The following NBAS variants were observed in gnomAD, a reference collection of about 807,000 sequenced individuals.
NBAS encodes the protein NBAS subunit of NRZ tethering complex.
A neutral mutation model predicts 302.5 loss-of-function variants in NBAS; 219 were observed. The observed-to-expected ratio is 0.72, with a 90% CI of 0.65 to 0.81. The LOEUF (loss-of-function observed/expected upper bound fraction) is 0.81. NBAS is among the 30% of genes least tolerant of loss of function. NBAS has a pLI of 0.00. For synonymous variants in NBAS, 1,118 were observed against 1,021.6 expected (o/e 1.09, Z -1.80); for missense variants, 2,932 against 2,841.6 (o/e 1.03, Z -0.72).
chr2:14,892,722 G>A, the NBAS span, among the ~76,000 whole-genome samples: 4 of 149,924 alleles, frequency 2.7e-5, 1 homozygote, highest in African/African-American at 9.8e-5. Context: ...AACGTATTAT[G>A]TTTATGGATT....
intron 38 of NBAS, among the ~76,000 whole-genome samples, chr2:15,315,582 C>T (rs1671471545): frequency 6.6e-6 from 1 of 152,212 alleles, no homozygotes; most frequent in South Asian, 2.1e-4. Context: ...GCACTGCACT[C>T]AGCCAGCTGT....
chr2:14,967,087 C>T, the NBAS span, among the ~76,000 whole-genome samples: 1 of 151,958 alleles, frequency 6.6e-6, no homozygotes, highest in Non-Finnish European at 1.5e-5. Context: ...GATAAATCTG[C>T]CACAAATGAG....
chr2:14,909,058 C>T, the NBAS span, among the ~76,000 whole-genome samples: 1 of 152,216 alleles, frequency 6.6e-6, no homozygotes, highest in South Asian at 2.1e-4. Flanking sequence ...ACTGGCCGGG[C>T]GCGGTGGCTT....
At chr2:14,907,947 G>A in the NBAS span, among the ~76,000 whole-genome samples, 1 of 152,216 alleles carries the variant, frequency 6.6e-6, no homozygotes, top group African/African-American at 2.4e-5. Context: ...TCCTGGAGCA[G>A]CAGTTCTCCA....
the NBAS span, among the ~76,000 whole-genome samples, chr2:15,078,362 CCT>C: frequency 1.3e-5 from 2 of 152,128 alleles, no homozygotes; most frequent in Non-Finnish European, 2.9e-5. Flanking sequence ...CAGAGGTCTC[CCT>C]AGTAGCTCCT....
chr2:15,128,957 T>G, the NBAS span, among the ~76,000 whole-genome samples: 1 of 152,098 alleles, frequency 6.6e-6, no homozygotes, highest in Admixed American at 6.5e-5. Context: ...ACTGTGGAGA[T>G]AGAGGGAAAG....
chr2:15,179,168 G>T (rs912363270), intron 50 of NBAS, 52 bp from the exon 51 acceptor site: 2 of 1,612,606 alleles, frequency 1.2e-6, no homozygotes, highest in African/African-American at 2.7e-5. Flanking sequence ...ACTTCTCACC[G>T]GCACGGTTCT....
At chr2:15,304,131 A>G (rs975027767) in intron 40 of NBAS, among the ~76,000 whole-genome samples, 1 of 152,116 alleles carries the variant, frequency 6.6e-6, no homozygotes, top group African/African-American at 2.4e-5. Flanking sequence ...TATAATCCCC[A>G]TGTGTCAAGG....
the NBAS span, among the ~76,000 whole-genome samples, chr2:14,859,534 A>G: frequency 6.6e-6 from 1 of 152,116 alleles, no homozygotes; most frequent in East Asian, 1.9e-4. Context: ...AGATTCACAC[A>G]TTTACAGACA....
chr2:15,031,449 C>G, the NBAS span, among the ~76,000 whole-genome samples: 1 of 152,160 alleles, frequency 6.6e-6, no homozygotes, highest in Non-Finnish European at 1.5e-5. Context: ...GTTGAGGCCT[C>G]GAGACAATGA....
chr2:14,789,071 C>G, the NBAS span, among the ~76,000 whole-genome samples: 1 of 152,214 alleles, frequency 6.6e-6, no homozygotes, highest in Non-Finnish European at 1.5e-5. Flanking sequence ...TGCCGCCTTG[C>G]AGTTTGATCT....
At chr2:15,130,682 C>T in the NBAS span, among the ~76,000 whole-genome samples, 1 of 152,248 alleles carries the variant, frequency 6.6e-6, no homozygotes, top group Admixed American at 6.5e-5. Context: ...TGCCATGCTG[C>T]CTTTCTGACC....
chr2:15,436,753 A>G lies in NBAS; in HGVS notation c.2340-8959T>C, dbSNP rs57025761. ...GTTATTAAACCTCTCATGTATTTCC[A>G]TTACTGCTGTCATTGCACTGAATTA... is the stretch of plus-strand genomic sequence containing the variant. On this transcript the variant is annotated intron_variant, in intron 21 of 51. Transcript: ENST00000281513. Among the ~76,000 whole-genome samples, 771 of 152,240 alleles carry G rather than the reference A, an allele frequency of 5.1e-3. 8 individuals are homozygous for G. The highest frequency in any genetic ancestry group is 0.017 in the African/African-American group (713 of 41,532).
At chr2:15,423,762 C>T (rs1450047682) in intron 23 of NBAS, among the ~76,000 whole-genome samples, 1 of 152,206 alleles carries the variant, frequency 6.6e-6, no homozygotes, top group Non-Finnish European at 1.5e-5. Flanking sequence ...AGTCTATTAG[C>T]TGAAGAGTCA....
intron 9 of NBAS, among the ~76,000 whole-genome samples, chr2:15,531,279 G>A (rs1663201575): frequency 6.6e-6 from 1 of 152,138 alleles, no homozygotes; most frequent in Non-Finnish European, 1.5e-5. Context: ...GCCATCTTCT[G>A]GATAACGGTG....
At chr2:15,296,582 A>G (rs1461521727) in intron 40 of NBAS, among the ~76,000 whole-genome samples, 4 of 152,076 alleles carry the variant, frequency 2.6e-5, no homozygotes, top group Non-Finnish European at 5.9e-5. Context: ...AGGTGTAGAA[A>G]GAAGGATGTT....
chr2:15,010,591 A>G, the NBAS span, among the ~76,000 whole-genome samples: 1 of 152,112 alleles, frequency 6.6e-6, no homozygotes, highest in Non-Finnish European at 1.5e-5. Flanking sequence ...ACCTTTGAGC[A>G]CTCATTTCAC....
chr2:14,810,673 AT>A, the NBAS span, among the ~76,000 whole-genome samples: 1 of 152,192 alleles, frequency 6.6e-6, no homozygotes, highest in East Asian at 1.9e-4. Context: ...CATAATTTAA[AT>A]TTTCAAAAAG....
At chr2:15,537,293 T>A (rs889111290) in intron 7 of NBAS, among the ~76,000 whole-genome samples, 3 of 152,346 alleles carry the variant, frequency 2.0e-5, no homozygotes, top group Non-Finnish European at 4.4e-5. Context: ...GAGGAGGAGA[T>A]GGACTCATCC....
Sources: gnomAD v4.1 joint callset for allele counts (sites outside exome capture counted in the v4.1 genomes callset) on GRCh38, gnomAD v4.1.1 for gene constraint, MANE v1.5 for transcripts, NCBI Gene and HGNC (gene_info 2026-07-23, HGNC 2026-07-21) for gene names.